ACOT7: variants seen among roughly 807,000 people sequenced by gnomAD.
ACOT7 encodes acyl-CoA thioesterase 7.
A neutral mutation model predicts 40.2 loss-of-function variants in ACOT7; 12 were observed. That is an observed-to-expected ratio of 0.30 (90% CI 0.19 to 0.48). ACOT7 has a LOEUF of 0.48. Among genes scored for constraint, ACOT7 ranks in the 20% least tolerant of loss-of-function variants. The probability of loss-of-function intolerance (pLI) is 0.99; values close to 1 mark genes in which losing one functional copy is unlikely to be tolerated. For synonymous variants in ACOT7, 228 were observed against 219.5 expected (o/e 1.04, Z -0.34); for missense variants, 395 against 530.8 (o/e 0.74, Z 2.51).
At chr1:6,337,811 C>T (rs1557657234) in intron 3 of ACOT7, among the ~76,000 whole-genome samples, 3 of 151,946 alleles carry the variant, frequency 2.0e-5, no homozygotes, top group African/African-American at 7.3e-5. Context: ...CCTGTCTTTA[C>T]TAAAAATACA....
intron 1 of ACOT7, among the ~76,000 whole-genome samples, chr1:6,370,578 C>T (rs1642112065): frequency 6.6e-6 from 1 of 151,176 alleles, no homozygotes; most frequent in Non-Finnish European, 1.5e-5. Flanking sequence ...CAGCCTCCGC[C>T]TCCCTGGTTC....
At position 6,333,663 on chromosome 1, in the gene ACOT7, C is replaced by T. The variant is rs1054349714; in HGVS notation, c.419-95G>A. 1.1e-5 allele frequency: 13 copies of T among 1,221,930 alleles called. No homozygotes were observed. The Admixed American group carries it at 1.5e-4, about 14-fold the overall frequency. The allele number at this position is 1,221,930 out of a possible 1,614,324, so 75.7% of individuals were successfully genotyped here. On this transcript the variant is annotated intron_variant, in intron 3 of 8. Transcript: ENST00000361521. ...GGCAGGTGCTGCTCCAGCGCCCGGT[C>T]CCAGTACCTGAAACACACCACAGTG...
chr1:6,298,549 G>A (rs1431137918), intron 6 of ACOT7, among the ~76,000 whole-genome samples: 1 of 152,188 alleles, frequency 6.6e-6, no homozygotes, highest in African/African-American at 2.4e-5. Flanking sequence ...GAAAATAGCT[G>A]TTTGGCAAGG....
chr1:6,332,006 G>A (rs1298050221), intron 4 of ACOT7, among the ~76,000 whole-genome samples: 2 of 152,224 alleles, frequency 1.3e-5, no homozygotes, highest in African/African-American at 2.4e-5. Context: ...AAGATGGAGA[G>A]CCAGGCCTCC....
At position 6,282,534 on chromosome 1, in the gene ACOT7, T is replaced by C. The variant is rs1285231868; in HGVS notation, c.830-1248A>G. Among the ~76,000 whole-genome samples, 2 of 152,098 alleles carry C rather than the reference T, an allele frequency of 1.3e-5. No individual in the cohort carries two copies. The highest frequency in any genetic ancestry group is 2.9e-5 in the Non-Finnish European group (2 of 68,002). ...ATATCTGGCTTCGGGGACTTTTTAATGTGGCCTCTGGAACCCCCAGTGTCC... is the reference window on the plus strand; with the variant it reads ...ATATCTGGCTTCGGGGACTTTTTAACGTGGCCTCTGGAACCCCCAGTGTCC... On this transcript the variant is annotated intron_variant, in intron 7 of 8. Coordinates refer to ENST00000361521, the MANE Select transcript of ACOT7 (RefSeq NM_007274.4). The surrounding 1 kb of genome is among the most constrained non-coding windows in gnomAD (Gnocchi z 4.5).
intron 1 of ACOT7, chr1:6,385,470 A>G (rs1642419925): frequency 6.3e-7 from 1 of 1,599,368 alleles, no homozygotes; most frequent in African/African-American, 1.3e-5. Context: ...CACCATGGGC[A>G]CAAAATATTC....
chr1:6,393,104 C>A (rs986487037), intron 1 of ACOT7, among the ~76,000 whole-genome samples, 153 bp downstream of exon 1: 4 of 150,590 alleles, frequency 2.7e-5, no homozygotes, highest in Non-Finnish European at 5.9e-5. Flanking sequence ...CCCGGCCGGG[C>A]GGGCGTCCGG....
At position 6,327,898 on chromosome 1, in the gene ACOT7, C is replaced by A. The variant is rs942019402; in HGVS notation, c.511-485G>T. Among the ~76,000 whole-genome samples, 27 of 152,084 alleles carry A rather than the reference C, an allele frequency of 1.8e-4. 1 individual carries two copies. The highest frequency in any genetic ancestry group is 6.3e-4 in the African/African-American group (26 of 41,416). ...AAGTGATTCTCCTGCCTCAGCCTCC[C>A]CGGTACCTGGGACGACAGGTGCCCG... On this transcript the variant is annotated intron_variant, in intron 4 of 8. Transcript: ENST00000361521.
chr1:6,322,441 T>C (rs895630435), intron 5 of ACOT7, among the ~76,000 whole-genome samples: 6 of 152,236 alleles, frequency 3.9e-5, no homozygotes, highest in Non-Finnish European at 8.8e-5. Flanking sequence ...ATTCTGTGTG[T>C]GGAGTGTACC....
At chr1:6,277,003 G>T (rs777607322) in intron 8 of ACOT7, among the ~76,000 whole-genome samples, 111 of 152,144 alleles carry the variant, frequency 7.3e-4, no homozygotes, top group South Asian at 1.2e-3. Context: ...CCCCCCCAGG[G>T]TATGGAGTTC....
At chr1:6,378,668 G>T (rs1288639637) in intron 1 of ACOT7, among the ~76,000 whole-genome samples, 1 of 151,858 alleles carries the variant, frequency 6.6e-6, no homozygotes, top group African/African-American at 2.4e-5. Context: ...CTCCTGTGGG[G>T]ACCTACCCCC....
chr1:6,370,642 A>G (rs1409285328), intron 1 of ACOT7, among the ~76,000 whole-genome samples: 3 of 151,230 alleles, frequency 2.0e-5, no homozygotes, highest in Non-Finnish European at 4.4e-5. Flanking sequence ...GGCATGCACC[A>G]CCATGCCCAA....
Position 6,370,457 on chromosome 1 carries a change from G to T in ACOT7, c.144-20591C>A, listed in dbSNP as rs1052101503. ...GGTCTATTGTCAATGAGCAGTGTTAGTATTATTATTATTATTATTATTATT... is the reference window on the plus strand; with the variant it reads ...GGTCTATTGTCAATGAGCAGTGTTATTATTATTATTATTATTATTATTATT... On this transcript the variant is annotated intron_variant, in intron 1 of 8. Transcript: ENST00000361521. 2.6e-4 allele frequency among the ~76,000 whole-genome samples: 36 copies of T among 140,808 alleles called. 1 individual carries two copies. The highest frequency in any genetic ancestry group is 5.1e-4 in the Admixed American group (7 of 13,686). The allele number at this position is 140,808 out of a possible 152,430, so 92.4% of individuals were successfully genotyped here.
At chr1:6,271,180 T>C (rs112182695) in intron 8 of ACOT7, among the ~76,000 whole-genome samples, 4 of 152,352 alleles carry the variant, frequency 2.6e-5, no homozygotes, top group African/African-American at 7.2e-5. Flanking sequence ...CCAAATGTTT[T>C]CCACTTTGCA....
intron 1 of ACOT7, among the ~76,000 whole-genome samples, chr1:6,380,336 G>A (rs1163091345): frequency 2.0e-5 from 3 of 151,316 alleles, no homozygotes; most frequent in Non-Finnish European, 4.4e-5. Flanking sequence ...GTGGTGGCTC[G>A]CCCCTGTAAT....
At chr1:6,304,506 A>G (rs1471695234) in intron 6 of ACOT7, among the ~76,000 whole-genome samples, 1 of 138,140 alleles carries the variant, frequency 7.2e-6, no homozygotes, top group Non-Finnish European at 1.5e-5. Flanking sequence ...CAAGTGAACA[A>G]AGGTCTCTGG....
At chr1:6,342,647 T>C (rs1360356860) in intron 2 of ACOT7, among the ~76,000 whole-genome samples, 1 of 152,184 alleles carries the variant, frequency 6.6e-6, no homozygotes, top group African/African-American at 2.4e-5. Context: ...TTTAGAAAAT[T>C]ACTTTCAATT....
At chr1:6,378,521 C>T (rs774128328) in intron 1 of ACOT7, among the ~76,000 whole-genome samples, 7 of 152,096 alleles carry the variant, frequency 4.6e-5, no homozygotes, top group Non-Finnish European at 8.8e-5. Context: ...TCTCCCAAGG[C>T]TCAGAGAAGC....
intron 8 of ACOT7, among the ~76,000 whole-genome samples, chr1:6,279,789 GC>G (rs946237394): frequency 6.6e-6 from 1 of 152,198 alleles, no homozygotes; most frequent in African/African-American, 2.4e-5. Context: ...ACCACCACGG[GC>G]CCTGGTGAGG....
Sources: gnomAD v4.1 joint callset for allele counts (sites outside exome capture counted in the v4.1 genomes callset) on GRCh38, gnomAD v4.1.1 for gene constraint, Gnocchi (gnomAD v3.1) non-coding constraint, MANE v1.5 for transcripts, NCBI Gene and HGNC (gene_info 2026-07-23, HGNC 2026-07-21) for gene names.